EPB41L1: variants seen among roughly 807,000 people sequenced by gnomAD.
EPB41L1 encodes band 4.1-like protein 1.
In EPB41L1, 29 loss-of-function variants were observed where a neutral mutation model predicts 97.8. The observed-to-expected ratio is 0.30, with a 90% CI of 0.22 to 0.40. The LOEUF (loss-of-function observed/expected upper bound fraction) is 0.40, where lower values mean the gene tolerates loss of function less well. Ranked by LOEUF, EPB41L1 falls within the 10% of genes least tolerant of loss-of-function variation. The pLI is 1.00. For missense variants in EPB41L1, 812 were observed against 1,162.3 expected, an observed-to-expected ratio of 0.70 and a Z score of 4.38; for synonymous variants, 383 against 459.2, an observed-to-expected ratio of 0.83 and a Z score of 2.12.
At chr20:36,221,584 A>G (rs1343559727) in intron 19 of EPB41L1, among the ~76,000 whole-genome samples, 1 of 152,226 alleles carries the variant, frequency 6.6e-6, no homozygotes, top group Non-Finnish European at 1.5e-5. Flanking sequence ...CCAAGGCAGG[A>G]AGACAGAAGC....
At chr20:36,130,787 TTCTCTCTCTCTCTCTCTC>T (rs35428172) in intron 2 of EPB41L1, among the ~76,000 whole-genome samples, 1 of 143,666 alleles carries the variant, frequency 7.0e-6, no homozygotes, top group South Asian at 2.3e-4. Flanking sequence ...TTTTAAAAAT[TTCTCTCTCTCTCTCTCTC>T]TCTCTCTCTC....
At chr20:36,185,397 GC>G (rs1350153469) in intron 7 of EPB41L1, 62 bp downstream of exon 7, 4 of 1,500,178 alleles carry the variant, frequency 2.7e-6, no homozygotes, top group Non-Finnish European at 3.6e-6. Context: ...TTCCTTGCAG[GC>G]CTGAATGTCC....
intron 1 of EPB41L1, among the ~76,000 whole-genome samples, chr20:36,171,523 A>C (rs182384554): frequency 6.6e-6 from 1 of 152,076 alleles, no homozygotes; most frequent in East Asian, 1.9e-4. Flanking sequence ...GTAACAACAA[A>C]CCCTCTCATT....
intron 2 of EPB41L1, among the ~76,000 whole-genome samples, chr20:36,123,685 G>T (rs571658739): frequency 2.6e-4 from 39 of 152,296 alleles, no homozygotes; most frequent in African/African-American, 8.9e-4. Flanking sequence ...ACCCACCTTG[G>T]CTTCCCAAAG....
At chr20:36,154,632 G>C, upstream of EPB41L1, 3 of 952,124 alleles carry the variant, frequency 3.2e-6, no homozygotes, top group Non-Finnish European at 3.7e-6. The surrounding 1 kb of genome is among the most constrained non-coding windows in gnomAD (Gnocchi z 5.5). Context: ...CTCCGAGGCC[G>C]GGGCGGGGGC....
At position 36,190,020 on chromosome 20, in the gene EPB41L1, A is replaced by G. The variant is rs566281087; in HGVS notation, c.1027-257A>G. Among the ~76,000 whole-genome samples, 2 of 152,220 alleles carry G rather than the reference A, an allele frequency of 1.3e-5. No homozygotes were observed. Among genetic ancestry groups the G allele is most frequent in the South Asian group, 4.2e-4 (2 of 4,818 alleles). On this transcript the variant is annotated intron_variant, in intron 9 of 21. Transcript: ENST00000338074. This position sits in a 1 kb window ranked among gnomAD's most constrained non-coding sequence, Gnocchi z 5.8. ...GGCAACATAGTGAGACTCATTCTCT[A>G]CAAAAAATTAGCTGGTGTGGTGTCG...
intron 17 of EPB41L1, among the ~76,000 whole-genome samples, chr20:36,216,400 G>A (rs2063445032): frequency 6.6e-6 from 1 of 152,178 alleles, no homozygotes; most frequent in Non-Finnish European, 1.5e-5. Context: ...GGAGTCGGGG[G>A]GGAAGAGCTG....
rs993312829 is a variant in EPB41L1, at chr20:36,156,892, C to T, written c.-15+1996C>T. Among the ~76,000 whole-genome samples the T allele has an allele frequency of 3.9e-5, 6 of 152,162 alleles. No individual in the cohort carries two copies. The East Asian group carries it at 7.7e-4, about 20-fold the overall frequency. On this transcript the variant is annotated intron_variant, in intron 1 of 21. Transcript: ENST00000338074. ...TGCTTGTTAGCACCTGCCGGGACTT[C>T]CCTAAGAGCCCCTTTCTGGGCTTCT...
chr20:36,125,173 G>T (rs1290529057), intron 2 of EPB41L1, among the ~76,000 whole-genome samples: 1 of 152,156 alleles, frequency 6.6e-6, no homozygotes, highest in Non-Finnish European at 1.5e-5. Context: ...AGAGAGACAG[G>T]CTGGGAACCT....
intron 1 of EPB41L1, among the ~76,000 whole-genome samples, chr20:36,161,336 G>A (rs996598433): frequency 7.2e-5 from 11 of 152,186 alleles, no homozygotes; most frequent in African/African-American, 2.7e-4. Context: ...CTGTCTGGTG[G>A]TGATCAGAGC....
Position 36,209,540 on chromosome 20 carries a change from G to A in EPB41L1, c.1721G>A (p.Arg574Gln), listed in dbSNP as rs6142531. 9 of 1,613,862 alleles carry A rather than the reference G, an allele frequency of 5.6e-6. No homozygotes were observed. Among genetic ancestry groups the A allele is most frequent in the South Asian group, 3.3e-5 (3 of 91,068 alleles). ...SEEKVKPPRP[R>Q]APESDTGDED... ...GAGAAAGTCAAACCACCACGTCCCC[G>A]GGCCCCAGAGAGTGACACAGGCGAT... The change falls in exon 15 of 22, where the codon CGG becomes CAG. Residue 574 changes from arginine to glutamine, a missense_variant. This residue lies in a region of EPB41L1 where 498 missense variants were observed against 622.7 expected (regional missense o/e 0.80). Coordinates refer to ENST00000338074, the MANE Select transcript of EPB41L1 (RefSeq NM_012156.2). The surrounding 1 kb of genome is among the most constrained non-coding windows in gnomAD (Gnocchi z 4.2).
In EPB41L1 at chr20:36,209,373, C is replaced by G; in HGVS notation, c.1669-115C>G. On this transcript the variant is annotated intron_variant, in intron 14 of 21. Coordinates refer to ENST00000338074, the MANE Select transcript of EPB41L1 (RefSeq NM_012156.2). This position sits in a 1 kb window ranked among gnomAD's most constrained non-coding sequence, Gnocchi z 4.2. Reference sequence around the variant, plus strand: ...TTTTTCATTTCCTGGCCTGCTCTTCCATTCAGGATGTCGACACAGCCCCGA... The same window carrying G: ...TTTTTCATTTCCTGGCCTGCTCTTCGATTCAGGATGTCGACACAGCCCCGA... 8.4e-7 allele frequency: 1 copy of G among 1,185,266 alleles called. No individual in the cohort carries two copies. The highest frequency in any genetic ancestry group is 1.2e-6 in the Non-Finnish European group (1 of 854,630). 73.4% of individuals were successfully genotyped at this position (1,185,266 alleles called of 1,614,324 possible).
At chr20:36,175,171 T>TA (rs2061173538) in intron 2 of EPB41L1, among the ~76,000 whole-genome samples, 1 of 152,176 alleles carries the variant, frequency 6.6e-6, no homozygotes, top group South Asian at 2.1e-4. Context: ...AGACTCCTGC[T>TA]AGATCCAGTG....
chr20:36,139,740 A>ATTTATTTATTTATTTT (rs943742073), intron 2 of EPB41L1, among the ~76,000 whole-genome samples: 15 of 151,648 alleles, frequency 9.9e-5, no homozygotes, highest in African/African-American at 3.6e-4. Flanking sequence ...TTATTTATTT[A>ATTTATTTATTTATTTT]TTTTTTTTAA....
intron 11 of EPB41L1, among the ~76,000 whole-genome samples, chr20:36,193,119 C>A (rs1237438534): frequency 6.6e-6 from 1 of 152,122 alleles, no homozygotes; most frequent in Non-Finnish European, 1.5e-5. Context: ...ATGTCAGGAG[C>A]CAAATGAAGC....
intron 14 of EPB41L1, chr20:36,208,246 C>A: frequency 2.7e-6 from 1 of 371,382 alleles, no homozygotes; most frequent in Admixed American, 3.2e-5. Flanking sequence ...CCCTCTCAGT[C>A]CCAGTGCCAA....
At chr20:36,161,983 C>G (rs912317473) in intron 1 of EPB41L1, among the ~76,000 whole-genome samples, 3 of 152,234 alleles carry the variant, frequency 2.0e-5, no homozygotes, top group Non-Finnish European at 2.9e-5. Flanking sequence ...AGACTGCTCT[C>G]AAACTCCTGG....
At chr20:36,175,473 C>G (rs1203617211) in intron 2 of EPB41L1, 78 bp from the exon 3 acceptor site, 3 of 1,568,840 alleles carry the variant, frequency 1.9e-6, no homozygotes, top group African/African-American at 2.7e-5. Context: ...CCAGATGCCT[C>G]TATATTGCTT....
intron 19 of EPB41L1, among the ~76,000 whole-genome samples, chr20:36,220,555 T>G (rs1376591720): frequency 6.6e-6 from 1 of 152,088 alleles, no homozygotes; most frequent in African/African-American, 2.4e-5. Context: ...GTTTTTAGAT[T>G]GGAGAGTAAC....
Sources: gnomAD v4.1 joint callset for allele counts (sites outside exome capture counted in the v4.1 genomes callset) on GRCh38, gnomAD v4.1.1 for gene constraint, gnomAD v4.1.1 regional missense constraint, Gnocchi (gnomAD v3.1) non-coding constraint, MANE v1.5 for transcripts, NCBI Gene and HGNC (gene_info 2026-07-23, HGNC 2026-07-21) for gene names.